Variants in DIP2C observed in about 807,000 individuals in gnomAD.
The protein encoded by DIP2C is DIP2 acetate--CoA ligase C (putative).
In DIP2C, 33 loss-of-function variants were observed where a neutral mutation model predicts 192.4. The observed-to-expected ratio is 0.17, with a 90% CI of 0.13 to 0.23. The LOEUF (loss-of-function observed/expected upper bound fraction) is 0.23, where lower values mean the gene tolerates loss of function less well. Ranked by LOEUF, DIP2C falls within the 10% of genes least tolerant of loss-of-function variation. The pLI is 1.00. For missense variants in DIP2C, 1,537 were observed against 2,110.1 expected (o/e 0.73, Z 5.32); for synonymous variants, 979 against 864.1 (o/e 1.13, Z -2.33).
At chr10:557,663 T>C (rs1848949582) in intron 1 of DIP2C, among the ~76,000 whole-genome samples, 1 of 81,832 alleles carries the variant, frequency 1.2e-5, no homozygotes, top group Non-Finnish European at 2.3e-5. Flanking sequence ...CACAGGCACA[T>C]ACACATGTGG....
chr10:378,956 A>G (rs1209177827), intron 17 of DIP2C, among the ~76,000 whole-genome samples: 1 of 152,234 alleles, frequency 6.6e-6, no homozygotes, highest in Non-Finnish European at 1.5e-5. Flanking sequence ...TTGTCCCTTC[A>G]AAGTCTCCGA....
At chr10:493,942 C>T (rs148429754) in intron 1 of DIP2C, among the ~76,000 whole-genome samples, 3 of 152,342 alleles carry the variant, frequency 2.0e-5, no homozygotes, top group Non-Finnish European at 4.4e-5. Context: ...CTACCTCCAA[C>T]TACAGGAGAC....
rs139547272 is a variant in DIP2C, at chr10:440,842, G to A, written c.394+29C>T. 443 of 1,599,864 alleles carry A rather than the reference G, an allele frequency of 2.8e-4. 2 individuals carry two copies. The African/African-American group carries it at 5.1e-3, about 18-fold the overall frequency. ...ATTCTGAGGTGCCCGGCACATTCAG[G>A]AGGCCGTGTCGGGGAGCGTGTCCCT... On this transcript the variant is annotated intron_variant, in intron 4 of 36. Coordinates refer to ENST00000280886, the MANE Select transcript of DIP2C (RefSeq NM_014974.3).
intron 1 of DIP2C, among the ~76,000 whole-genome samples, chr10:610,177 G>A (rs1421166206): frequency 1.3e-5 from 2 of 152,164 alleles, no homozygotes; most frequent in Non-Finnish European, 2.9e-5. Flanking sequence ...CAACAGCATG[G>A]AGCTGGAGGA....
intron 1 of DIP2C, among the ~76,000 whole-genome samples, chr10:535,788 G>C (rs1470683577): frequency 2.0e-5 from 3 of 152,196 alleles, no homozygotes; most frequent in Non-Finnish European, 4.4e-5. Context: ...TTGGTTCAAA[G>C]AATTATTGGT....
At position 495,530 on chromosome 10, in the gene DIP2C, T is replaced by TG. The variant is rs1433515417; in HGVS notation, c.86-9001dup. On this transcript the variant is annotated intron_variant, in intron 1 of 36. Coordinates refer to ENST00000280886, the MANE Select transcript of DIP2C (RefSeq NM_014974.3). ...TATAGGTTTTGAATGTTGGTTTGTG[T>TG]GGAAAAAATTCTGTTTCTTCTAGCG... 9.9e-5 allele frequency among the ~76,000 whole-genome samples: 15 copies of TG among 151,292 alleles called. 1 individual carries two copies. Among genetic ancestry groups the TG allele is most frequent in the African/African-American group, 3.7e-4 (15 of 41,026 alleles).
intron 1 of DIP2C, among the ~76,000 whole-genome samples, chr10:546,140 G>T (rs1424930884): frequency 6.6e-6 from 1 of 151,928 alleles, no homozygotes; most frequent in Admixed American, 6.5e-5. Context: ...AAATTATCCG[G>T]GCTTGGTGGT....
chr10:439,924 G>A (rs1033727065), intron 4 of DIP2C, among the ~76,000 whole-genome samples: 3 of 152,288 alleles, frequency 2.0e-5, no homozygotes, highest in Middle Eastern at 6.8e-3. Flanking sequence ...AAAGTGGTGT[G>A]TAGCTTCAAA....
intron 1 of DIP2C, among the ~76,000 whole-genome samples, chr10:584,536 C>G (rs1277240348): frequency 2.9e-5 from 4 of 138,676 alleles, no homozygotes; most frequent in Admixed American, 2.9e-4. Flanking sequence ...ACCTGGCCCC[C>G]ACTCACGGGC....
chr10:357,765 G>T, intron 23 of DIP2C, 63 bp downstream of exon 23: 3 of 1,299,550 alleles, frequency 2.3e-6, no homozygotes, highest in Non-Finnish European at 3.3e-6. Flanking sequence ...GATGGTCGCA[G>T]ATGGTCGGGG....
rs746962054 is a variant in DIP2C, at chr10:651,708, G to A, written c.85+37786C>T. On this transcript the variant is annotated intron_variant, in intron 1 of 36. Coordinates refer to ENST00000280886, the MANE Select transcript of DIP2C (RefSeq NM_014974.3). This position sits in a 1 kb window ranked among gnomAD's most constrained non-coding sequence, Gnocchi z 4.1. Reference sequence around the variant, plus strand: ...CCCAAAATCTGGACTTTTGCTAAATGGTGCCCTTAGCACAGGAGTCTCTCC... The same window carrying A: ...CCCAAAATCTGGACTTTTGCTAAATAGTGCCCTTAGCACAGGAGTCTCTCC... 14 of 347,930 alleles carry A rather than the reference G, an allele frequency of 4.0e-5. No homozygotes were observed. The Admixed American group carries it at 5.3e-4, about 13-fold the overall frequency. 21.6% of individuals were successfully genotyped at this position (347,930 alleles called of 1,614,324 possible). A position where few individuals can be genotyped will look rare whatever the true frequency, so the allele number is the denominator to read the frequency against.
At chr10:600,132 G>T (rs1851961879) in intron 1 of DIP2C, among the ~76,000 whole-genome samples, 1 of 152,190 alleles carries the variant, frequency 6.6e-6, no homozygotes, top group Non-Finnish European at 1.5e-5. Flanking sequence ...AGACCCTGTA[G>T]TACAAGGCAC....
At chr10:386,924 C>CT (rs1962985713) in intron 14 of DIP2C, among the ~76,000 whole-genome samples, 1 of 152,196 alleles carries the variant, frequency 6.6e-6, no homozygotes, top group Admixed American at 6.5e-5. Context: ...AACAAGGCTA[C>CT]TTCCCCACGA....
intron 32 of DIP2C, among the ~76,000 whole-genome samples, chr10:297,253 C>T (rs1295467301): frequency 6.8e-6 from 1 of 146,286 alleles, no homozygotes. Context: ...CACACACACA[C>T]ACACACACAC....
At chr10:436,604 GCTCT>G (rs138634059) in intron 4 of DIP2C, among the ~76,000 whole-genome samples, 21 of 148,762 alleles carry the variant, frequency 1.4e-4, no homozygotes, top group African/African-American at 5.2e-4. Flanking sequence ...CCACACCTGA[GCTCT>G]CTCTCAGCTC....
intron 32 of DIP2C, among the ~76,000 whole-genome samples, chr10:300,609 G>C (rs1328015043): frequency 6.6e-6 from 1 of 151,998 alleles, no homozygotes; most frequent in Non-Finnish European, 1.5e-5. Context: ...TGAGCGTGTG[G>C]AGAAGCCGGA....
At chr10:577,847 GAAGA>G (rs548237492) in intron 1 of DIP2C, among the ~76,000 whole-genome samples, 7 of 150,184 alleles carry the variant, frequency 4.7e-5, no homozygotes, top group African/African-American at 9.9e-5. Context: ...AACCACAAAA[GAAGA>G]AAGAACTTAA....
chr10:451,741 T>TAC (rs1319727093), intron 3 of DIP2C, among the ~76,000 whole-genome samples: 4 of 152,174 alleles, frequency 2.6e-5, no homozygotes, highest in African/African-American at 9.7e-5. Flanking sequence ...CATCAGAGGT[T>TAC]ACATATAGTG....
intron 18 of DIP2C, among the ~76,000 whole-genome samples, chr10:367,314 G>A (rs1241990627): frequency 2.0e-5 from 3 of 151,918 alleles, no homozygotes; most frequent in African/African-American, 7.3e-5. Context: ...CTCCTCGGGA[G>A]GCGGAGGCAG....
Sources: allele counts gnomAD v4.1 joint callset (sites outside exome capture counted in the v4.1 genomes callset), GRCh38; gene constraint gnomAD v4.1.1; non-coding constraint Gnocchi (gnomAD v3.1); transcripts MANE v1.5; gene names NCBI Gene and HGNC (gene_info 2026-07-23, HGNC 2026-07-21).